The following TNKS variants were observed in gnomAD, a reference collection of about 807,000 sequenced individuals.
TNKS encodes poly [ADP-ribose] polymerase tankyrase-1.
TNKS carries 72 observed loss-of-function variants against 135.8 expected under a neutral mutation model. The ratio of observed to expected loss-of-function variants is 0.53; its 90% CI spans 0.44 to 0.64. The LOEUF (loss-of-function observed/expected upper bound fraction) is 0.64. Among genes scored for constraint, TNKS ranks in the 30% least tolerant of loss-of-function variants. TNKS has a pLI of 0.00. For synonymous variants in TNKS, 849 were observed against 649.3 expected (o/e 1.31, Z -4.68); for missense variants, 1,769 against 1,674.0 (o/e 1.06, Z -0.99).
At position 9,624,917 on chromosome 8, in the gene TNKS, A is replaced by C. The variant is rs188969409; in HGVS notation, c.994+9240A>C. Among the ~76,000 whole-genome samples the C allele has an allele frequency of 1.2e-4, 18 of 152,200 alleles. No homozygotes were observed. In the East Asian group the frequency reaches 1.7e-3, roughly 15 times the overall value. ...TCAGTGCTGTATAAGTAGTTTTGTT[A>C]TACTATATTTTATTTGTATTATTAT... On this transcript the variant is annotated intron_variant, in intron 3 of 26. Transcript: ENST00000310430.
chr8:9,620,674 T>G (rs1049405352), intron 3 of TNKS, among the ~76,000 whole-genome samples: 3 of 152,182 alleles, frequency 2.0e-5, no homozygotes, highest in Non-Finnish European at 4.4e-5. Context: ...AGATGAAACC[T>G]TATTCTGTGT....
At chr8:9,568,922 A>G (rs1292782430) in intron 1 of TNKS, among the ~76,000 whole-genome samples, 1 of 152,260 alleles carries the variant, frequency 6.6e-6, no homozygotes, top group African/African-American at 2.4e-5. Flanking sequence ...ATCCATTGTT[A>G]GAATCCAGAA....
intron 3 of TNKS, among the ~76,000 whole-genome samples, chr8:9,621,684 A>G (rs1048469366): frequency 3.9e-5 from 6 of 152,194 alleles, no homozygotes; most frequent in African/African-American, 1.4e-4. Context: ...TGTGTAATAC[A>G]TGTTTTACTG....
intron 17 of TNKS, among the ~76,000 whole-genome samples, chr8:9,742,388 C>G (rs961237644): frequency 6.6e-6 from 1 of 150,760 alleles, no homozygotes; most frequent in African/African-American, 2.4e-5. Context: ...ATGGGCAACC[C>G]ACTTCCCTCA....
chr8:9,774,470 T>C (rs1808113723), intron 26 of TNKS, among the ~76,000 whole-genome samples: 1 of 152,182 alleles, frequency 6.6e-6, no homozygotes, highest in Non-Finnish European at 1.5e-5. Flanking sequence ...TGGTTGTGTA[T>C]TTAAAAAATA....
intron 26 of TNKS, among the ~76,000 whole-genome samples, chr8:9,772,809 TTGTG>T (rs368113364): frequency 3.7e-4 from 32 of 86,584 alleles, no homozygotes; most frequent in African/African-American, 7.6e-4. Context: ...GTGTGTGTGT[TTGTG>T]TGTGTGTGTG....
At chr8:9,673,597 C>G (rs1188240833) in intron 3 of TNKS, among the ~76,000 whole-genome samples, 1 of 151,904 alleles carries the variant, frequency 6.6e-6, no homozygotes, top group Non-Finnish European at 1.5e-5. Flanking sequence ...GCACGTGCCA[C>G]CACGCCCAGC....
At chr8:9,693,955 C>A (rs1803395525) in intron 5 of TNKS, among the ~76,000 whole-genome samples, 1 of 152,078 alleles carries the variant, frequency 6.6e-6, no homozygotes, top group Non-Finnish European at 1.5e-5. Context: ...AAGTACTGGG[C>A]AAATCAGGAC....
At chr8:9,767,419 T>G (rs1270945208) in intron 25 of TNKS, among the ~76,000 whole-genome samples, 1 of 152,230 alleles carries the variant, frequency 6.6e-6, no homozygotes, top group East Asian at 1.9e-4. Context: ...AATGCATTCT[T>G]TTTAACAAGC....
intron 5 of TNKS, among the ~76,000 whole-genome samples, chr8:9,683,958 T>C (rs913818378): frequency 1.1e-4 from 16 of 151,944 alleles, no homozygotes; most frequent in South Asian, 2.1e-4. Flanking sequence ...GCTTTTTTTT[T>C]CCCTAAAAGC....
chr8:9,654,297 C>T (rs754359071), intron 3 of TNKS, among the ~76,000 whole-genome samples: 4 of 152,172 alleles, frequency 2.6e-5, no homozygotes, highest in Non-Finnish European at 5.9e-5. Context: ...CTGTGCTTTT[C>T]TATTTAGATT....
At position 9,690,623 on chromosome 8, in the gene TNKS, C is replaced by A. The variant is rs188823646; in HGVS notation, c.1107+9823C>A. 1.8e-3 allele frequency among the ~76,000 whole-genome samples: 270 copies of A among 152,094 alleles called. 3 individuals carry two copies. The highest frequency in any genetic ancestry group is 6.0e-3 in the African/African-American group (251 of 41,492). On this transcript the variant is annotated intron_variant, in intron 5 of 26. Transcript: ENST00000310430. ...AAAAATGTAAAAATTAGCTGGGTGGCAGGCACCTATAATCCTAGCTACACG... is the reference window on the plus strand; with the variant it reads ...AAAAATGTAAAAATTAGCTGGGTGGAAGGCACCTATAATCCTAGCTACACG...
rs1315059427 is a variant in TNKS, at chr8:9,778,408, A to G, written c.*1672A>G. The G allele has an allele frequency of 6.6e-6, 1 of 152,644 alleles. No individual in the cohort carries two copies. Among genetic ancestry groups the G allele is most frequent in the Middle Eastern group, 3.2e-3 (1 of 316 alleles). The allele number at this position is 152,644 out of a possible 1,614,324, so 9.5% of individuals were successfully genotyped here. ...TCCTGAAGCAAAATAAAATGGTTAC[A>G]TGCAAAACTTCTAGAAATAGACTCT... On this transcript the variant is annotated 3_prime_UTR_variant, in exon 27 of 27. Coordinates refer to ENST00000310430, the MANE Select transcript of TNKS (RefSeq NM_003747.3).
At chr8:9,615,719 C>A in intron 3 of TNKS, 42 bp downstream of exon 3, 1 of 1,469,954 alleles carries the variant, frequency 6.8e-7, no homozygotes, top group Non-Finnish European at 9.3e-7. Context: ...ATCTGTGTAA[C>A]TCCTTACTTG....
intron 3 of TNKS, among the ~76,000 whole-genome samples, chr8:9,657,706 T>A (rs1360688760): frequency 4.3e-5 from 4 of 92,692 alleles, no homozygotes; most frequent in African/African-American, 1.7e-4. Flanking sequence ...GAGGGGCTCC[T>A]CACTTCCCAG....
rs145178313 is a variant in TNKS at position 9,613,790 on chromosome 8, G to A, written c.899-1792G>A. Among the ~76,000 whole-genome samples, 10 of 152,208 alleles carry A rather than the reference G, an allele frequency of 6.6e-5. No individual in the cohort carries two copies. The East Asian group carries it at 1.5e-3, about 23-fold the overall frequency. On this transcript the variant is annotated intron_variant, in intron 2 of 26. Transcript: ENST00000310430. ...GGGCAACATATAGTAGTTAAAATACGGGTTAAAACAAGAAGGATTGAGGTT... is the reference window on the plus strand; with the variant it reads ...GGGCAACATATAGTAGTTAAAATACAGGTTAAAACAAGAAGGATTGAGGTT...
chr8:9,639,384 T>C (rs1331389590), intron 3 of TNKS, among the ~76,000 whole-genome samples: 1 of 152,142 alleles, frequency 6.6e-6, no homozygotes, highest in African/African-American at 2.4e-5. Flanking sequence ...TTTCTTTTGA[T>C]TTTGACCACT....
chr8:9,628,404 A>G (rs1228771873), intron 3 of TNKS, among the ~76,000 whole-genome samples: 1 of 152,008 alleles, frequency 6.6e-6, no homozygotes, highest in African/African-American at 2.4e-5. Flanking sequence ...TCTGTCTTGC[A>G]TATCCGTTGG....
At chr8:9,616,392 A>G (rs1291988439) in intron 3 of TNKS, among the ~76,000 whole-genome samples, 3 of 152,164 alleles carry the variant, frequency 2.0e-5, no homozygotes, top group African/African-American at 7.2e-5. Flanking sequence ...TATTCTTAGC[A>G]TCTGAGTCCT....
Sources: allele counts gnomAD v4.1 joint callset (sites outside exome capture counted in the v4.1 genomes callset), GRCh38; gene constraint gnomAD v4.1.1; transcripts MANE v1.5; gene names NCBI Gene and HGNC (gene_info 2026-07-23, HGNC 2026-07-21).